CDS2: variants seen among roughly 807,000 people sequenced by gnomAD.
CDS2 encodes phosphatidate cytidylyltransferase 2.
In CDS2, 47 loss-of-function variants were observed where a neutral mutation model predicts 59.0. That is an observed-to-expected ratio of 0.80 (90% CI 0.63 to 1.02). The LOEUF is 1.02. Ranked by LOEUF, CDS2 falls within the 50% of genes least tolerant of loss-of-function variation. The pLI, the probability that CDS2 is intolerant of heterozygous loss-of-function variation, is 0.00. For missense variants in CDS2, 356 were observed against 558.9 expected, an observed-to-expected ratio of 0.64 and a Z score of 3.66; for synonymous variants, 207 against 206.4, an observed-to-expected ratio of 1.00 and a Z score of -0.02.
rs2090889301 is a variant in CDS2, at chr20:5,163,364, C to T, written c.58-10159C>T. On this transcript the variant is annotated intron_variant, in intron 1 of 12. Transcript: ENST00000460006. ...ATAACCTCCACCTCCCGGATTCAATCGATTCTCCTGCCTCAGCCTCCTGAG... is the reference window on the plus strand; with the variant it reads ...ATAACCTCCACCTCCCGGATTCAATTGATTCTCCTGCCTCAGCCTCCTGAG... Among the ~76,000 whole-genome samples, 5 of 149,822 alleles carry T rather than the reference C, an allele frequency of 3.3e-5. No homozygotes were observed. The South Asian group carries it at 6.8e-4, about 20-fold the overall frequency.
intron 1 of CDS2, among the ~76,000 whole-genome samples, chr20:5,152,055 C>T (rs984198036): frequency 2.7e-5 from 4 of 149,866 alleles, no homozygotes; most frequent in Non-Finnish European, 4.4e-5. Flanking sequence ...TGAGCCACTG[C>T]GCCTGGTCTG....
chr20:5,129,835 T>A (rs1211636042), intron 1 of CDS2, among the ~76,000 whole-genome samples: 1 of 151,796 alleles, frequency 6.6e-6, no homozygotes. Context: ...CGCCTCGGTC[T>A]CCCAAAGTGC....
At chr20:5,160,090 ACTGCCATTTGATG>A (rs1215917765) in intron 1 of CDS2, among the ~76,000 whole-genome samples, 1 of 152,178 alleles carries the variant, frequency 6.6e-6, no homozygotes, top group Non-Finnish European at 1.5e-5. Context: ...TGTTTGTGCC[ACTGCCATTTGATG>A]CTGCGAGAAT....
chr20:5,141,258 A>G (rs1305574405), intron 1 of CDS2, among the ~76,000 whole-genome samples: 2 of 152,270 alleles, frequency 1.3e-5, no homozygotes, highest in East Asian at 1.9e-4. Context: ...CTGAACAGAC[A>G]GGCCTTGCTG....
chr20:5,146,722 A>G (rs537232904), intron 1 of CDS2, among the ~76,000 whole-genome samples: 4 of 152,352 alleles, frequency 2.6e-5, no homozygotes, highest in African/African-American at 9.6e-5. Flanking sequence ...TCAGGCTTTT[A>G]TACCAAAAAA....
At chr20:5,176,487 G>A (rs1036173107) in intron 3 of CDS2, 161 bp from the exon 4 acceptor site, 2 of 636,960 alleles carry the variant, frequency 3.1e-6, no homozygotes, top group Admixed American at 2.4e-5. Context: ...GCATTGCTCT[G>A]TGGGATGGTA....
chr20:5,179,046 C>A, intron 5 of CDS2, 90 bp downstream of exon 5: 1 of 1,269,198 alleles, frequency 7.9e-7, no homozygotes, highest in Non-Finnish European at 1.1e-6. Context: ...GGTTAGTATA[C>A]AGTTTTGTGA....
rs956784110 is a variant in CDS2, at chr20:5,186,677, T to G, written c.829-10T>G. ...ACTTCCTTGCCGGTCTCTCTGTTAT[T>G]CCTCCTCAGCTGTCCTATGTGATGT... is the stretch of plus-strand genomic sequence containing the variant. On this transcript the variant is annotated splice_polypyrimidine_tract_variant and intron_variant, in intron 9 of 12. Transcript: ENST00000460006. 6.2e-7 allele frequency: 1 copy of G among 1,613,700 alleles called. No individual in the cohort carries two copies. Among genetic ancestry groups the G allele is most frequent in the Non-Finnish European group, 8.5e-7 (1 of 1,179,628 alleles).
Position 5,175,221 on chromosome 20 carries a change from C to A in CDS2, c.233C>A (p.Ala78Asp), listed in dbSNP as rs750344451. The change falls in exon 3 of 13, where the codon GCC (alanine) becomes GAC (aspartate). Residue 78 changes from alanine (A) to aspartate (D), a missense_variant. Around this residue, in one of 5 missense-constraint regions of CDS2, gnomAD observed 107 missense variants for 129.7 expected, o/e 0.82. Transcript: ENST00000460006. ...NWWVRGILTLAMIAFFFIIIY... is the reference protein window; with the variant it reads ...NWWVRGILTLDMIAFFFIIIY... ...TGGGTGAGAGGCATCCTGACTTTGG[C>A]CATGATTGCATTTTTCTTCATCATC... 5 of 1,614,026 alleles carry A rather than the reference C, an allele frequency of 3.1e-6. No individual in the cohort carries two copies. Among genetic ancestry groups the A allele is most frequent in the Non-Finnish European group, 4.2e-6 (5 of 1,179,930 alleles).
intron 1 of CDS2, among the ~76,000 whole-genome samples, chr20:5,130,706 T>G (rs1383271790): frequency 6.7e-6 from 1 of 148,332 alleles, no homozygotes; most frequent in Non-Finnish European, 1.5e-5. Flanking sequence ...TCGCTTGAAC[T>G]TGGGAGGCAG....
chr20:5,178,840 A>C lies in CDS2; in HGVS notation c.413A>C (p.Tyr138Ser). ...AGGTACTTTCTCCTGTGTGTAAACT[A>C]TTTCTTCTATGGTGAGACAGTGACG... ...LSWYFLLCVN[Y>S]FFYGETVTDY... Residue 138 changes from tyrosine (Y) to serine (S), a missense_variant, in exon 5 of 13, where the codon TAT becomes TCT. Coordinates refer to ENST00000460006, the MANE Select transcript of CDS2 (RefSeq NM_003818.4). 1 of 1,614,062 alleles carries C rather than the reference A, an allele frequency of 6.2e-7. No individual in the cohort carries two copies. Among genetic ancestry groups the C allele is most frequent in the Non-Finnish European group, 8.5e-7 (1 of 1,179,994 alleles).
At chr20:5,149,776 C>T (rs1352738201) in intron 1 of CDS2, among the ~76,000 whole-genome samples, 6 of 151,788 alleles carry the variant, frequency 4.0e-5, no homozygotes, top group East Asian at 1.9e-4. Flanking sequence ...AGTGAAGTGG[C>T]GTGATCTTGA....
At chr20:5,130,206 C>T (rs920831381) in intron 1 of CDS2, among the ~76,000 whole-genome samples, 1 of 151,718 alleles carries the variant, frequency 6.6e-6, no homozygotes, top group African/African-American at 2.4e-5. Flanking sequence ...AACTCCTGAC[C>T]TCAGGTGATC....
chr20:5,148,214 A>G (rs572611435), intron 1 of CDS2, among the ~76,000 whole-genome samples: 20 of 152,108 alleles, frequency 1.3e-4, no homozygotes, highest in Non-Finnish European at 2.5e-4. Flanking sequence ...TCCTCCTTAG[A>G]TGCTGCAAAA....
At position 5,163,785 on chromosome 20, in the gene CDS2, TTC is replaced by T. The variant is rs1324946772; in HGVS notation, c.58-9736_58-9735del. Among the ~76,000 whole-genome samples, 727 of 130,096 alleles carry T rather than the reference TTC, an allele frequency of 5.6e-3. 2 individuals are homozygous for T. Among genetic ancestry groups the T allele is most frequent in the Admixed American group, 9.5e-3 (124 of 12,990 alleles). The allele number at this position is 130,096 out of a possible 152,430, so 85.3% of individuals were successfully genotyped here. A position where few individuals can be genotyped will look rare whatever the true frequency, so the allele number is the denominator to read the frequency against. On this transcript the variant is annotated intron_variant, in intron 1 of 12. Coordinates refer to ENST00000460006, the MANE Select transcript of CDS2 (RefSeq NM_003818.4). Reference sequence around the variant, plus strand: ...TAGCATTGTGGCTTTCATAATTTCTTTCTTTCTTTTTTTTTTTTTTTTTGAAG... The same window carrying T: ...TAGCATTGTGGCTTTCATAATTTCTTTTTCTTTTTTTTTTTTTTTTTGAAG...
rs2091092955 is a variant in CDS2, at chr20:5,189,106, G to T, written c.1021G>T (p.Ala341Ser). 2 of 1,613,920 alleles carry T rather than the reference G, an allele frequency of 1.2e-6. No individual in the cohort carries two copies. Among genetic ancestry groups the T allele is most frequent in the South Asian group, 2.2e-5 (2 of 91,076 alleles). Reference sequence around the variant, plus strand: ...GTACCCCTTCCAGATTCACAGCATCGCTCTCTCCACCTTTGCCTCGCTCAT... The same window carrying T: ...GTACCCCTTCCAGATTCACAGCATCTCTCTCTCCACCTTTGCCTCGCTCAT... Reference protein sequence around the residue: ...RMYPFQIHSIALSTFASLIGP... With the variant: ...RMYPFQIHSISLSTFASLIGP... Residue 341 changes from alanine to serine, a missense_variant, in exon 11 of 13, where the codon GCT becomes TCT. Around this residue, in one of 5 missense-constraint regions of CDS2, gnomAD observed 88 missense variants for 103.6 expected, o/e 0.85. Coordinates refer to ENST00000460006, the MANE Select transcript of CDS2 (RefSeq NM_003818.4).
In CDS2 at chr20:5,130,563, G is replaced by C. The variant is rs558126565; in HGVS notation, c.57+3414G>C. On this transcript the variant is annotated intron_variant, in intron 1 of 12. Transcript: ENST00000460006. ...AGGCTGAGGTGGGCAGATCACCTGAGGTCAGGAGTTCGAGACCAGCCTGAC... is the reference window on the plus strand; with the variant it reads ...AGGCTGAGGTGGGCAGATCACCTGACGTCAGGAGTTCGAGACCAGCCTGAC... 6.1e-5 allele frequency among the ~76,000 whole-genome samples: 9 copies of C among 148,604 alleles called. No homozygotes were observed. The South Asian group carries it at 2.0e-3, about 32-fold the overall frequency.
intron 8 of CDS2, among the ~76,000 whole-genome samples, chr20:5,185,296 G>T (rs1373997365): frequency 6.6e-6 from 1 of 151,984 alleles, no homozygotes; most frequent in Non-Finnish European, 1.5e-5. Context: ...GTGGTAGCAT[G>T]CACCTGTAGT....
Position 5,173,665 on chromosome 20 carries a change from C to T in CDS2, c.194+6C>T. On this transcript the variant is annotated splice_donor_region_variant and intron_variant, in intron 2 of 12. Coordinates refer to ENST00000460006, the MANE Select transcript of CDS2 (RefSeq NM_003818.4). ...CTTTCCAACTTGTCTTCAAGGTAAC[C>T]TGGCTTAATGATGCAGGTGCTTGTT... 1.2e-6 allele frequency: 2 copies of T among 1,614,006 alleles called. No homozygotes were observed. Among genetic ancestry groups the T allele is most frequent in the Non-Finnish European group, 1.7e-6 (2 of 1,179,892 alleles).
Sources: gnomAD v4.1 joint callset for allele counts (sites outside exome capture counted in the v4.1 genomes callset) on GRCh38, gnomAD v4.1.1 for gene constraint, gnomAD v4.1.1 regional missense constraint, MANE v1.5 for transcripts, NCBI Gene and HGNC (gene_info 2026-07-23, HGNC 2026-07-21) for gene names.